Variants in ITPR1 observed in about 807,000 individuals in gnomAD.
The protein encoded by ITPR1 is inositol 1,4,5-trisphosphate-gated calcium channel ITPR1.
ITPR1 carries 96 observed loss-of-function variants against 318.4 expected under a neutral mutation model. The observed-to-expected ratio is 0.30, with a 90% CI of 0.26 to 0.36. ITPR1 has a LOEUF of 0.36. ITPR1 is among the 10% of genes least tolerant of loss of function. The probability of loss-of-function intolerance (pLI) is 1.00; values close to 1 mark genes in which losing one functional copy is unlikely to be tolerated. For synonymous variants in ITPR1, 1,312 were observed against 1,289.9 expected (o/e 1.02, Z -0.37); for missense variants, 2,440 against 3,460.2 (o/e 0.71, Z 7.40).
At chr3:4,740,190 AC>A (rs2043599036) in intron 44 of ITPR1, among the ~76,000 whole-genome samples, 1 of 151,726 alleles carries the variant, frequency 6.6e-6, no homozygotes, top group African/African-American at 2.4e-5. Flanking sequence ...CCTCACCACC[AC>A]CCCCATTATA....
At chr3:4,609,179 A>G (rs1030781173) in intron 4 of ITPR1, among the ~76,000 whole-genome samples, 4 of 146,776 alleles carry the variant, frequency 2.7e-5, no homozygotes, top group African/African-American at 1.0e-4. Context: ...TTGAGGTGCC[A>G]TCCTTGAGAA....
At chr3:4,706,086 TG>T in intron 36 of ITPR1, 80 bp from the exon 37 acceptor site, 1 of 1,471,368 alleles carries the variant, frequency 6.8e-7, no homozygotes, top group Non-Finnish European at 9.4e-7. Flanking sequence ...ACCTGCTGGA[TG>T]GGGACTAGGG....
At chr3:4,713,425 A>G (rs73112437) in intron 39 of ITPR1, among the ~76,000 whole-genome samples, 4,418 of 152,282 alleles carry the variant, frequency 0.029, 117 homozygotes, top group South Asian at 0.091. Flanking sequence ...GTGATTATAC[A>G]TGCAGTTCCC....
At chr3:4,533,863 G>T (rs1453457636) in intron 4 of ITPR1, among the ~76,000 whole-genome samples, 1 of 152,196 alleles carries the variant, frequency 6.6e-6, no homozygotes, top group African/African-American at 2.4e-5. Flanking sequence ...CCTGCCTTCT[G>T]TATAGAATTA....
In ITPR1 at chr3:4,516,180, G is replaced by A. The variant is rs541366377; in HGVS notation, c.-16-296G>A. Among the ~76,000 whole-genome samples, 21 of 152,276 alleles carry A rather than the reference G, an allele frequency of 1.4e-4. No individual in the cohort carries two copies. The South Asian group carries it at 4.3e-3, about 32-fold the overall frequency. On this transcript the variant is annotated intron_variant, in intron 2 of 61. Coordinates refer to ENST00000649015, the MANE Select transcript of ITPR1 (RefSeq NM_001378452.1). ...GTTCCCTGCAGGCTTTCTATTCACT[G>A]CAGTTTTTATTATCAAGGGTCCTCA...
At chr3:4,533,779 AG>A (rs1192042544) in intron 4 of ITPR1, among the ~76,000 whole-genome samples, 5 of 152,220 alleles carry the variant, frequency 3.3e-5, no homozygotes, top group African/African-American at 1.2e-4. Flanking sequence ...AGAAGCCATC[AG>A]GGCTTTTCTC....
intron 4 of ITPR1, among the ~76,000 whole-genome samples, chr3:4,567,957 C>T (rs1212776760): frequency 2.0e-5 from 3 of 149,324 alleles, no homozygotes; most frequent in African/African-American, 7.4e-5. Context: ...TATCAACACT[C>T]CCAGTAAGTC....
At chr3:4,549,176 A>G (rs955007288) in intron 4 of ITPR1, among the ~76,000 whole-genome samples, 2 of 152,348 alleles carry the variant, frequency 1.3e-5, no homozygotes, top group Middle Eastern at 3.4e-3. Flanking sequence ...AATTTGCCTT[A>G]TAATACATAG....
intron 34 of ITPR1, 43 bp downstream of exon 34, chr3:4,697,315 G>GTGTGT (rs1553699268): frequency 2.9e-4 from 254 of 864,160 alleles, no homozygotes; most frequent in Non-Finnish European, 3.8e-4. Flanking sequence ...GAGAGTGAGA[G>GTGTGT]GTGTGTGTGT....
intron 40 of ITPR1, among the ~76,000 whole-genome samples, chr3:4,725,005 C>T (rs2042406486): frequency 6.6e-6 from 1 of 152,212 alleles, no homozygotes; most frequent in South Asian, 2.1e-4. Context: ...ATCCCCTAAG[C>T]CCAAGCTGGA....
intron 35 of ITPR1, among the ~76,000 whole-genome samples, chr3:4,701,867 T>C (rs1409939314): frequency 6.6e-6 from 1 of 152,212 alleles, no homozygotes; most frequent in African/African-American, 2.4e-5. Flanking sequence ...AATTAATCTT[T>C]TTTATTTTCT....
At chr3:4,639,082 C>T (rs1274430197) in intron 5 of ITPR1, among the ~76,000 whole-genome samples, 2 of 152,182 alleles carry the variant, frequency 1.3e-5, no homozygotes, top group East Asian at 3.8e-4. Context: ...CCTCCCCGAC[C>T]CTATTTTCTT....
chr3:4,726,160 G>A (rs995273605), intron 41 of ITPR1, among the ~76,000 whole-genome samples: 3 of 152,102 alleles, frequency 2.0e-5, no homozygotes, highest in African/African-American at 4.8e-5. Flanking sequence ...CTCCCGGGTA[G>A]CTGGGATTAC....
rs4277666 is a variant in ITPR1 at position 4,647,921 on chromosome 3, G to A, written c.855+2193G>A. Among the ~76,000 whole-genome samples the A allele has an allele frequency of 3.2e-4, 48 of 152,338 alleles. 1 individual carries two copies. In the East Asian group the frequency reaches 6.4e-3, roughly 20 times the overall value. ...AATCCCAGCACTTTGGGAGGCCAAG[G>A]TGGGTGGATCACCTGAGGTCGGGAG... On this transcript the variant is annotated intron_variant, in intron 10 of 61. Transcript: ENST00000649015.
chr3:4,710,247 G>A lies in ITPR1; in HGVS notation c.4843-78G>A. On this transcript the variant is annotated intron_variant, in intron 37 of 61. Coordinates refer to ENST00000649015, the MANE Select transcript of ITPR1 (RefSeq NM_001378452.1). The surrounding 1 kb of genome is among the most constrained non-coding windows in gnomAD (Gnocchi z 4.2). ...AGCCTACCCGTGCATCAGTGTTTTA[G>A]GGCAGAAATCAATGTCCTCACCCTC... 7.4e-7 allele frequency: 1 copy of A among 1,359,676 alleles called. No individual in the cohort carries two copies. The highest frequency in any genetic ancestry group is 9.7e-7 in the Non-Finnish European group (1 of 1,030,560). The allele number at this position is 1,359,676 out of a possible 1,614,324, so 84.2% of individuals were successfully genotyped here. A position where few individuals can be genotyped will look rare whatever the true frequency, so the allele number is the denominator to read the frequency against.
rs11330102 is a variant in ITPR1, at chr3:4,615,373, C to CT, written c.164-12370dup. 3.2e-3 allele frequency among the ~76,000 whole-genome samples: 388 copies of CT among 122,800 alleles called. 2 individuals are homozygous for CT. The highest frequency in any genetic ancestry group is 8.5e-3 in the South Asian group (29 of 3,430). 80.6% of individuals were successfully genotyped at this position (122,800 alleles called of 152,430 possible). ...ACTTGCCTTTCCAACTGATTTCTTT[C>CT]TTTTTTTTTTTTTTTTTTTTGAGAT... is the stretch of plus-strand genomic sequence containing the variant. On this transcript the variant is annotated intron_variant, in intron 4 of 61. Coordinates refer to ENST00000649015, the MANE Select transcript of ITPR1 (RefSeq NM_001378452.1).
At chr3:4,741,659 T>C (rs1480560946) in intron 44 of ITPR1, among the ~76,000 whole-genome samples, 1 of 152,062 alleles carries the variant, frequency 6.6e-6, no homozygotes, top group Non-Finnish European at 1.5e-5. Context: ...GACACGTTGG[T>C]TGGGCTATCT....
intron 39 of ITPR1, among the ~76,000 whole-genome samples, chr3:4,714,399 G>C (rs909080897): frequency 6.6e-6 from 1 of 152,184 alleles, no homozygotes; most frequent in African/African-American, 2.4e-5. Context: ...CTTCCCTGGT[G>C]ATGTCCAGAA....
intron 2 of ITPR1, among the ~76,000 whole-genome samples, chr3:4,502,074 A>T (rs2081062811): frequency 6.6e-6 from 1 of 152,238 alleles, no homozygotes; most frequent in Non-Finnish European, 1.5e-5. Context: ...TCCCAAGCAC[A>T]TATTTCTGAA....
Sources: gnomAD v4.1 joint callset for allele counts (sites outside exome capture counted in the v4.1 genomes callset) on GRCh38, gnomAD v4.1.1 for gene constraint, Gnocchi (gnomAD v3.1) non-coding constraint, MANE v1.5 for transcripts, NCBI Gene and HGNC (gene_info 2026-07-23, HGNC 2026-07-21) for gene names.